Variants in RBM26 observed in about 807,000 individuals in gnomAD.
The protein encoded by RBM26 is RNA binding motif protein 26.
RBM26 carries 30 observed loss-of-function variants against 123.6 expected under a neutral mutation model. The ratio of observed to expected loss-of-function variants is 0.24; its 90% CI spans 0.18 to 0.33. The LOEUF is 0.33. RBM26 is among the 10% of genes least tolerant of loss of function. The probability of loss-of-function intolerance (pLI) is 1.00; values close to 1 mark genes in which losing one functional copy is unlikely to be tolerated. For synonymous variants in RBM26, 400 were observed against 404.4 expected (o/e 0.99, Z 0.13); for missense variants, 947 against 1,203.6 (o/e 0.79, Z 3.15).
intron 1 of RBM26, among the ~76,000 whole-genome samples, chr13:79,404,013 T>C (rs2079287315): frequency 2.0e-5 from 3 of 152,162 alleles, no homozygotes; most frequent in African/African-American, 7.2e-5. Context: ...ACCTACACAC[T>C]TTTTCTATGA....
At chr13:79,368,147 C>T (rs931683570) in intron 6 of RBM26, among the ~76,000 whole-genome samples, 2 of 151,984 alleles carry the variant, frequency 1.3e-5, no homozygotes, top group African/African-American at 4.8e-5. Flanking sequence ...GCCTCAGCCT[C>T]CCGAGTAGCT....
At chr13:79,358,618 G>A (rs1451681885) in intron 10 of RBM26, among the ~76,000 whole-genome samples, 185 bp from the exon 11 acceptor site, 1 of 152,130 alleles carries the variant, frequency 6.6e-6, no homozygotes, top group Non-Finnish European at 1.5e-5. Context: ...AACACTGTTA[G>A]TATCTTTCAT....
intron 20 of RBM26, among the ~76,000 whole-genome samples, chr13:79,332,463 T>C (rs2069593615): frequency 1.3e-5 from 2 of 152,160 alleles, no homozygotes; most frequent in African/African-American, 4.8e-5. Flanking sequence ...AAGATAAGCT[T>C]CAACTTAATT....
intron 3 of RBM26, among the ~76,000 whole-genome samples, chr13:79,374,685 C>T (rs189491486): frequency 8.4e-4 from 127 of 151,708 alleles, no homozygotes; most frequent in Admixed American, 3.0e-3. Context: ...TAATACGACC[C>T]TTCTGATGCA....
In RBM26 at chr13:79,366,705, G is replaced by C; in HGVS notation, c.1063C>G (p.Pro355Ala). The C allele has an allele frequency of 1.2e-6, 2 of 1,609,272 alleles. No individual in the cohort carries two copies. The highest frequency in any genetic ancestry group is 1.7e-6 in the Non-Finnish European group (2 of 1,177,144). The change falls in exon 7 of 22, where the codon CCC becomes GCC. Residue 355 changes from proline (P) to alanine (A), a missense_variant. Transcript: ENST00000438737. Reference sequence around the variant, plus strand: ...GGGGGCCTGAGATTCACAGGTGGGGGTGTAAGAATTGGTGGAGGTGGGGGG... The same window carrying C: ...GGGGGCCTGAGATTCACAGGTGGGGCTGTAAGAATTGGTGGAGGTGGGGGG... ...GLPPPPPILT[P>A]PPVNLRPPVP...
intron 9 of RBM26, among the ~76,000 whole-genome samples, chr13:79,360,392 TC>T (rs1015360170): frequency 1.3e-5 from 2 of 152,060 alleles, no homozygotes; most frequent in African/African-American, 2.4e-5. Context: ...TGAAAAAGAA[TC>T]AATTCTCACA....
rs553298055 is a variant in RBM26 at position 79,346,732 on chromosome 13, A to G, written c.2059-1938T>C. ...TTCAGTGACCTTTCTTTGTAATTCT[A>G]GAGAAAAATTTCTTCCATGCTACCT... On this transcript the variant is annotated intron_variant, in intron 14 of 21. Coordinates refer to ENST00000438737, the MANE Select transcript of RBM26 (RefSeq NM_001366735.2). Among the ~76,000 whole-genome samples, 16 of 152,332 alleles carry G rather than the reference A, an allele frequency of 1.1e-4. No individual in the cohort carries two copies. The South Asian group carries it at 2.3e-3, about 22-fold the overall frequency.
intron 1 of RBM26, among the ~76,000 whole-genome samples, chr13:79,389,806 TA>T (rs1221201718): frequency 6.6e-6 from 1 of 152,062 alleles, no homozygotes; most frequent in African/African-American, 2.4e-5. Context: ...TTCAAGAAAA[TA>T]AGCTTTTTTC....
chr13:79,377,585 T>C, intron 2 of RBM26, 70 bp from the exon 3 acceptor site: 1 of 1,152,860 alleles, frequency 8.7e-7, no homozygotes, highest in East Asian at 2.4e-5. Flanking sequence ...TCCACATCTC[T>C]TATCTCTAAT....
chr13:79,402,725 C>CA (rs1479535852), intron 1 of RBM26, among the ~76,000 whole-genome samples: 1 of 152,146 alleles, frequency 6.6e-6, no homozygotes, highest in African/African-American at 2.4e-5. Context: ...CCTTTTGCCC[C>CA]AGCAAAGTAT....
intron 12 of RBM26, 123 bp downstream of exon 12, chr13:79,355,097 G>T: frequency 1.2e-6 from 1 of 822,880 alleles, no homozygotes. Flanking sequence ...ACAGGTAACA[G>T]AAGCTAAATG....
intron 1 of RBM26, among the ~76,000 whole-genome samples, chr13:79,400,033 T>G (rs1175407394): frequency 6.6e-6 from 1 of 152,184 alleles, no homozygotes; most frequent in Non-Finnish European, 1.5e-5. Flanking sequence ...GGTTCTAGTT[T>G]GGAATCCATT....
chr13:79,372,877 T>TA (rs1195160228), intron 3 of RBM26, among the ~76,000 whole-genome samples: 1 of 112,766 alleles, frequency 8.9e-6, no homozygotes, highest in African/African-American at 3.7e-5. Context: ...ATTTATAATA[T>TA]TTTATATGCT....
intron 21 of RBM26, among the ~76,000 whole-genome samples, chr13:79,322,126 A>G (rs1047591573): frequency 5.9e-5 from 9 of 151,458 alleles, no homozygotes; most frequent in African/African-American, 1.9e-4. Flanking sequence ...ATAAAAATTG[A>G]GTATATATAT....
chr13:79,338,169 G>A (rs781711759), intron 18 of RBM26, among the ~76,000 whole-genome samples: 6 of 152,104 alleles, frequency 3.9e-5, no homozygotes, highest in Non-Finnish European at 7.4e-5. Flanking sequence ...CCGAGATCGC[G>A]CCACTACACT....
chr13:79,329,641 A>G (rs2068985205), intron 20 of RBM26, among the ~76,000 whole-genome samples: 2 of 152,154 alleles, frequency 1.3e-5, no homozygotes, highest in South Asian at 4.1e-4. Context: ...TAACTTCAAC[A>G]TTAATAACTG....
intron 1 of RBM26, among the ~76,000 whole-genome samples, chr13:79,398,558 T>C (rs2078791070): frequency 6.6e-6 from 1 of 152,202 alleles, no homozygotes; most frequent in African/African-American, 2.4e-5. Flanking sequence ...GACTATTAAC[T>C]CTTCTACCAG....
At chr13:79,317,845 T>A (rs2067289222), downstream of RBM26, among the ~76,000 whole-genome samples, 1 of 151,670 alleles carries the variant, frequency 6.6e-6, no homozygotes, top group Non-Finnish European at 1.5e-5. Flanking sequence ...TGATAAGAAT[T>A]AACAAGGGAG....
At chr13:79,317,580 G>A (rs186559289), downstream of RBM26, among the ~76,000 whole-genome samples, 1 of 151,806 alleles carries the variant, frequency 6.6e-6, no homozygotes, top group Admixed American at 6.6e-5. Context: ...GGATGGACTA[G>A]ACTGGTGGCT....
Sources: allele counts gnomAD v4.1 joint callset (sites outside exome capture counted in the v4.1 genomes callset), GRCh38; gene constraint gnomAD v4.1.1; transcripts MANE v1.5; gene names NCBI Gene and HGNC (gene_info 2026-07-23, HGNC 2026-07-21).